SRCAP: variants seen among roughly 807,000 people sequenced by gnomAD.
SRCAP encodes Snf2 related CREBBP activator protein, also known as chromatin remodeling protein SRCAP.
A neutral mutation model predicts 263.1 loss-of-function variants in SRCAP; 46 were observed. The ratio of observed to expected loss-of-function variants is 0.17; its 90% confidence interval spans 0.14 to 0.22. SRCAP has a LOEUF of 0.22. Among genes scored for constraint, SRCAP ranks in the 10% least tolerant of loss-of-function variants. The pLI is 1.00. For synonymous variants in SRCAP, 1,813 were observed against 1,662.1 expected, an observed-to-expected ratio of 1.09 and a Z score of -2.21; for missense variants, 3,695 against 4,181.9, an observed-to-expected ratio of 0.88 and a Z score of 3.21.
In SRCAP at chr16:30,704,259, A is replaced by G. The variant is rs200145878; in HGVS notation, c.250A>G (p.Asn84Asp). 3 of 1,614,028 alleles carry G rather than the reference A, an allele frequency of 1.9e-6. No homozygotes were observed. Among genetic ancestry groups the G allele is most frequent in the Non-Finnish European group, 2.5e-6 (3 of 1,179,872 alleles). The change falls in exon 4 of 34, where the codon AAC becomes GAC. Residue 84 changes from asparagine to aspartate, a missense_variant. Asn to Asp is a conservative substitution (Grantham distance 23, BLOSUM62 1). Around this residue, in one of 12 missense-constraint regions of SRCAP, gnomAD observed 122 missense variants for 116.9 expected, o/e 1.04. Transcript: ENST00000262518. ...CTTATCCCAGGCTGCTGACCTGGCTAACAAGGGCCCGAAGTGGGAGAAGAG... is the reference window on the plus strand; with the variant it reads ...CTTATCCCAGGCTGCTGACCTGGCTGACAAGGGCCCGAAGTGGGAGAAGAG... ...FSLSQAADLA[N>D]KGPKWEKSHA...
rs1469663011 is a variant in SRCAP, at chr16:30,707,553, T to A, written c.493-19T>A. ...AGTCTGGCTTTGAGTGTTTTCACCC[T>A]GGGTCTTCATTCCCACAGGTGGTGC... is the stretch of plus-strand genomic sequence containing the variant. On this transcript the variant is annotated intron_variant, in intron 5 of 33. Coordinates refer to ENST00000262518, the MANE Select transcript of SRCAP (RefSeq NM_006662.3). 3 of 1,611,560 alleles carry A rather than the reference T, an allele frequency of 1.9e-6. No homozygotes were observed. In the South Asian group the frequency reaches 3.3e-5, roughly 18 times the overall value.
chr16:30,714,507 C>CTTGTTTTTTTT (rs2052926060), intron 16 of SRCAP, among the ~76,000 whole-genome samples: 1 of 100,000 alleles, frequency 1.0e-5, no homozygotes, highest in African/African-American at 4.0e-5. Context: ...CCGTGCCGGG[C>CTTGTTTTTTTT]TTTTTTTTTT....
Position 30,724,512 on chromosome 16 carries a change from A to G in SRCAP, c.5088A>G (p.Pro1696=), listed in dbSNP as rs1360647251. 1 of 1,614,086 alleles carries G rather than the reference A, an allele frequency of 6.2e-7. No homozygotes were observed. The highest frequency in any genetic ancestry group is 1.7e-5 in the Admixed American group (1 of 60,018). ...CACCCACTCTTGGAGGCTCATCTCC[A>G]TCTCAGACACTCTCTTTGGGAACGG... ...ALAPTLGGSS[P]SQTLSLGTGN... is the part of the protein sequence containing the mutation. The change falls in exon 25 of 34, where the codon CCA becomes CCG. Residue 1696 remains proline (P), a synonymous_variant. Transcript: ENST00000262518.
At chr16:30,712,472 C>T (rs985046585) in intron 13 of SRCAP, 33 bp downstream of exon 13, 2 of 1,543,912 alleles carry the variant, frequency 1.3e-6, no homozygotes, top group Non-Finnish European at 1.7e-6. Flanking sequence ...TTTGTTCCCC[C>T]TAGTCTAGCT....
At chr16:30,702,655 C>G (rs1000086610) in intron 3 of SRCAP, among the ~76,000 whole-genome samples, 4 of 143,290 alleles carry the variant, frequency 2.8e-5, no homozygotes, top group African/African-American at 1.0e-4. Flanking sequence ...CTCCTTCCTT[C>G]TGAGTGCAAT....
In SRCAP at chr16:30,711,835, A is replaced by T. The variant is rs199716597; in HGVS notation, c.1493A>T (p.Asp498Val). The part of the protein sequence containing the change: ...PPQEDSSSQS[D>V]SVEDRSEDEE... ...AGTAAGCCTTGGTCTTACCCTTTAG[A>T]CTCTGTGGAGGACCGGAGTGAGGAT... The change falls in exon 12 of 34, where the codon GAC becomes GTC. Residue 498 changes from aspartate (D) to valine (V), a missense_variant and splice_region_variant. By Grantham distance (152) the Asp-to-Val change is radical. Transcript: ENST00000262518. The T allele has an allele frequency of 6.0e-5, 97 of 1,613,600 alleles. No homozygotes were observed. The highest frequency in any genetic ancestry group is 1.8e-4 in the Admixed American group (11 of 59,976).
In SRCAP at chr16:30,720,806, T is replaced by C. The variant is rs1374466327; in HGVS notation, c.3081T>C (p.Pro1027=). 6.2e-7 allele frequency: 1 copy of C among 1,614,088 alleles called. No individual in the cohort carries two copies. The highest frequency in any genetic ancestry group is 8.5e-7 in the Non-Finnish European group (1 of 1,180,006). Residue 1027 remains proline, a synonymous_variant, in exon 20 of 34, where the codon CCT becomes CCC. Transcript: ENST00000262518. ...APLGPVPVRP[P]PGPELSAQPT... The stretch of plus-strand genomic sequence containing the variant: ...TGGGCCCTGTCCCAGTTCGACCTCC[T>C]CCAGGTCCTGAGCTCTCAGCCCAGC...
Position 30,712,151 on chromosome 16 carries a change from G to C in SRCAP, c.1809G>C (p.Thr603=), listed in dbSNP as rs747441379. 1 of 1,612,330 alleles carries C rather than the reference G, an allele frequency of 6.2e-7. No individual in the cohort carries two copies. The highest frequency in any genetic ancestry group is 2.2e-5 in the East Asian group (1 of 44,848). The change falls in exon 12 of 34, where the codon ACG becomes ACC. Residue 603 remains threonine, a synonymous_variant. Transcript: ENST00000262518. ...AGCCCAAGGGTTACACGCTGGCCAC[G>C]ACCCAGGTATCCCCAGGTTCTGGCC... ...SLQPKGYTLA[T]TQVKTPIPLL... is the part of the protein sequence containing the mutation.
At chr16:30,713,457 A>C in intron 15 of SRCAP, 62 bp from the exon 16 acceptor site, 2 of 1,611,372 alleles carry the variant, frequency 1.2e-6, no homozygotes, top group South Asian at 2.2e-5. Flanking sequence ...ATGTATCAGA[A>C]TGCTCAGAAG....
chr16:30,706,749 A>G (rs1028507546), intron 4 of SRCAP, among the ~76,000 whole-genome samples: 7 of 152,224 alleles, frequency 4.6e-5, no homozygotes, highest in East Asian at 1.9e-4. Flanking sequence ...GAATTCTACA[A>G]TGATGATGAC....
At position 30,734,523 on chromosome 16, in the gene SRCAP, C is replaced by A; in HGVS notation, c.6637C>A (p.Pro2213Thr). The change falls in exon 31 of 34, where the codon CCC becomes ACC. Residue 2213 changes from proline to threonine, a missense_variant. Physicochemically the swap from Pro to Thr is conservative, Grantham distance 38. This residue lies in a region of SRCAP where 53 missense variants were observed against 45.6 expected (regional missense o/e 1.16). Coordinates refer to ENST00000262518, the MANE Select transcript of SRCAP (RefSeq NM_006662.3). ...GACCATCCGAGAGCTGTTTGATATGCCCCTGGAGGAACCTTCTAGCTCATC... is the reference window on the plus strand; with the variant it reads ...GACCATCCGAGAGCTGTTTGATATGACCCTGGAGGAACCTTCTAGCTCATC... Reference protein sequence around the residue: ...QQTIRELFDMPLEEPSSSSVP... With the variant: ...QQTIRELFDMTLEEPSSSSVP... 1 of 1,613,960 alleles carries A rather than the reference C, an allele frequency of 6.2e-7. No individual in the cohort carries two copies. Among genetic ancestry groups the A allele is most frequent in the African/African-American group, 1.3e-5 (1 of 74,984 alleles).
intron 19 of SRCAP, 86 bp from the exon 20 acceptor site, chr16:30,720,627 C>A (rs970768093): frequency 1.6e-5 from 22 of 1,408,484 alleles, no homozygotes; most frequent in Non-Finnish European, 2.1e-5. Context: ...TAATCTGTCT[C>A]TCTGTTTCAT....
intron 16 of SRCAP, among the ~76,000 whole-genome samples, chr16:30,715,824 A>G (rs975693367): frequency 2.6e-5 from 4 of 152,128 alleles, no homozygotes; most frequent in African/African-American, 9.7e-5. Context: ...TGAGTTTTCT[A>G]TTCTGCGTAG....
In SRCAP at chr16:30,729,389, C is replaced by T. The variant is rs754107047; in HGVS notation, c.5944C>T (p.Pro1982Ser). The T allele has an allele frequency of 9.3e-6, 15 of 1,614,018 alleles. No homozygotes were observed. Among genetic ancestry groups the T allele is most frequent in the African/African-American group, 2.7e-5 (2 of 74,910 alleles). The change falls in exon 27 of 34, where the codon CCT becomes TCT. Residue 1982 changes from proline (P) to serine (S), a missense_variant. Coordinates refer to ENST00000262518, the MANE Select transcript of SRCAP (RefSeq NM_006662.3). ...IIERFIFVMP[P>S]VEAPPPSLHA... is the part of the protein sequence containing the mutation. Reference sequence around the variant, plus strand: ...TCACAGGTTCATCTTTGTCATGCCTCCTGTGGAGGCACCTCCCCCTTCCCT... The same window carrying T: ...TCACAGGTTCATCTTTGTCATGCCTTCTGTGGAGGCACCTCCCCCTTCCCT...
In SRCAP at chr16:30,728,320, A is replaced by G. The variant is rs538198811; in HGVS notation, c.5659-646A>G. On this transcript the variant is annotated intron_variant, in intron 25 of 33. Transcript: ENST00000262518. ...GGATAGATATTAGTTAAATAATCATACAGATGTGTAACTACAAGCATAATA... is the reference window on the plus strand; with the variant it reads ...GGATAGATATTAGTTAAATAATCATGCAGATGTGTAACTACAAGCATAATA... Among the ~76,000 whole-genome samples the G allele has an allele frequency of 3.3e-5, 5 of 152,354 alleles. No homozygotes were observed. The East Asian group carries it at 5.8e-4, about 18-fold the overall frequency.
Position 30,707,228 on chromosome 16 carries a change from T to G in SRCAP, c.352T>G (p.Phe118Val). 1 of 1,614,128 alleles carries G rather than the reference T, an allele frequency of 6.2e-7. No homozygotes were observed. The highest frequency in any genetic ancestry group is 8.5e-7 in the Non-Finnish European group (1 of 1,180,018). ...TRIAELRKEG[F>V]WSLKRLPKVP... ...GATTGCTGAGCTGCGGAAGGAGGGT[T>G]TCTGGTCACTGAAGAGGCTGCCTAA... is the stretch of plus-strand genomic sequence containing the variant. Residue 118 changes from phenylalanine (F) to valine (V), a missense_variant, in exon 5 of 34, where the codon TTC becomes GTC. By Grantham distance (50) the Phe-to-Val change is conservative. This residue lies in a region of SRCAP where 107 missense variants were observed against 223.8 expected (regional missense o/e 0.48). Coordinates refer to ENST00000262518, the MANE Select transcript of SRCAP (RefSeq NM_006662.3).
In SRCAP at chr16:30,713,192, G is replaced by C; in HGVS notation, c.2131-16G>C. The C allele has an allele frequency of 6.2e-7, 1 of 1,612,178 alleles. No homozygotes were observed. The highest frequency in any genetic ancestry group is 2.2e-5 in the East Asian group (1 of 44,814). Reference sequence around the variant, plus strand: ...TTCATCCCACTATCTGCTACTTTCTGTCTTTGATCCCTCAGGGCTGGACCA... The same window carrying C: ...TTCATCCCACTATCTGCTACTTTCTCTCTTTGATCCCTCAGGGCTGGACCA... On this transcript the variant is annotated splice_polypyrimidine_tract_variant and intron_variant, in intron 14 of 33. Coordinates refer to ENST00000262518, the MANE Select transcript of SRCAP (RefSeq NM_006662.3).
chr16:30,734,047 T>G (rs2053136700), intron 30 of SRCAP, 39 bp downstream of exon 30: 1 of 1,522,044 alleles, frequency 6.6e-7, no homozygotes, highest in African/African-American at 1.4e-5. Context: ...AGGAGAAAAC[T>G]GCTGCGCCTT....
chr16:30,729,324 A>C (rs1163872429), intron 26 of SRCAP, 46 bp from the exon 27 acceptor site: 2 of 1,610,540 alleles, frequency 1.2e-6, no homozygotes, highest in Admixed American at 3.3e-5. Flanking sequence ...CTTCTGGGGC[A>C]TTTCAGAGTC....
Sources: allele counts gnomAD v4.1 joint callset (sites outside exome capture counted in the v4.1 genomes callset), GRCh38; gene constraint gnomAD v4.1.1; regional missense constraint gnomAD v4.1.1; transcripts MANE v1.5; gene names NCBI Gene and HGNC (gene_info 2026-07-23, HGNC 2026-07-21).